The following RCOR2 variants were observed in gnomAD, a reference collection of about 807,000 sequenced individuals.
The protein encoded by RCOR2 is REST corepressor 2.
In RCOR2, 19 loss-of-function variants were observed where a neutral mutation model predicts 58.9. The ratio of observed to expected loss-of-function variants is 0.32; its 90% confidence interval spans 0.23 to 0.47. The LOEUF (loss-of-function observed/expected upper bound fraction) is 0.47. Among genes scored for constraint, RCOR2 ranks in the 20% least tolerant of loss-of-function variants. The pLI is 1.00. For missense variants in RCOR2, 590 were observed against 707.9 expected, an observed-to-expected ratio of 0.83 and a Z score of 1.89; for synonymous variants, 286 against 278.7, an observed-to-expected ratio of 1.03 and a Z score of -0.26.
chr11:63,924,401 GT>G, the RCOR2 span, among the ~76,000 whole-genome samples: 1 of 152,132 alleles, frequency 6.6e-6, no homozygotes, highest in African/African-American at 2.4e-5. Flanking sequence ...TAGAGACGGG[GT>G]TTCACCATGC....
At position 63,914,002 on chromosome 11, in the gene RCOR2, G is replaced by A. The variant is rs1941817727; in HGVS notation, c.843C>T (p.Asn281=). ...TAVSGSPDLA[N]LTLRGLDSQL... ...GAGAGTCAAGACCTCGGAGCGTGAG[G>A]TTGGCAAGGTCCGGGCTTCCTGACA... The change falls in exon 8 of 12, where the codon AAC becomes AAT. Residue 281 remains asparagine (N), a synonymous_variant. Coordinates refer to ENST00000301459, the MANE Select transcript of RCOR2 (RefSeq NM_173587.4). 6.2e-7 allele frequency: 1 copy of A among 1,613,752 alleles called. No homozygotes were observed. The highest frequency in any genetic ancestry group is 1.3e-5 in the African/African-American group (1 of 74,936).
chr11:63,916,249 T>G, intron 1 of RCOR2, 81 bp downstream of exon 1: 1 of 1,244,396 alleles, frequency 8.0e-7, no homozygotes, highest in Non-Finnish European at 1.1e-6. Flanking sequence ...AACAGGCTCG[T>G]GGTCTGCAAC....
the RCOR2 span, among the ~76,000 whole-genome samples, chr11:63,924,397 C>G: frequency 2.0e-5 from 3 of 152,048 alleles, no homozygotes; most frequent in Non-Finnish European, 4.4e-5. Flanking sequence ...TTAGTAGAGA[C>G]GGGGTTTCAC....
intron 4 of RCOR2, 26 bp from the exon 5 acceptor site, chr11:63,914,842 G>A (rs1590735688): frequency 6.4e-7 from 1 of 1,572,312 alleles, no homozygotes; most frequent in Non-Finnish European, 8.6e-7. Context: ...GGGCAGCTGA[G>A]CCTGAGCTGC....
the RCOR2 span, among the ~76,000 whole-genome samples, chr11:63,924,012 G>T: frequency 6.6e-6 from 1 of 151,254 alleles, no homozygotes; most frequent in Non-Finnish European, 1.5e-5. Flanking sequence ...GGGTTCAAGC[G>T]ATTCTCCTGC....
In RCOR2 at chr11:63,916,643, C is replaced by A; in HGVS notation, c.-187G>T. 1.0e-6 allele frequency: 1 copy of A among 973,242 alleles called. No homozygotes were observed. 60.3% of individuals were successfully genotyped at this position (973,242 alleles called of 1,614,324 possible). A position where few individuals can be genotyped will look rare whatever the true frequency, so the allele number is the denominator to read the frequency against. On this transcript the variant is annotated 5_prime_UTR_variant, in exon 1 of 12. Transcript: ENST00000301459. ...CACCTGGTAGCCCCAGCGCTCTCCA[C>A]GACCCCCACGAGCCAGGGCGTCAGA...
In RCOR2 at chr11:63,911,616, C is replaced by T. The variant is rs1941756766; in HGVS notation, c.*249G>A. 3 of 460,028 alleles carry T rather than the reference C, an allele frequency of 6.5e-6. No individual in the cohort carries two copies. Among genetic ancestry groups the T allele is most frequent in the South Asian group, 3.7e-5 (1 of 27,362 alleles). The allele number at this position is 460,028 out of a possible 1,614,324, so 28.5% of individuals were successfully genotyped here. ...GACTAGGACACAGCCATTCCAGTAC[C>T]GGCCAGGAAGCGAAAGTGCCCTCAG... On this transcript the variant is annotated 3_prime_UTR_variant, in exon 12 of 12. Coordinates refer to ENST00000301459, the MANE Select transcript of RCOR2 (RefSeq NM_173587.4).
chr11:63,913,059 CT>C, intron 8 of RCOR2, 112 bp from the exon 9 acceptor site: 1 of 875,270 alleles, frequency 1.1e-6, no homozygotes, highest in Non-Finnish European at 1.7e-6. Flanking sequence ...CCCGGCAAAG[CT>C]TTCTGCCATC....
Position 63,911,798 on chromosome 11 carries a change from C to G in RCOR2, c.*67G>C. 1 of 1,468,950 alleles carries G rather than the reference C, an allele frequency of 6.8e-7. No individual in the cohort carries two copies. The highest frequency in any genetic ancestry group is 8.9e-7 in the Non-Finnish European group (1 of 1,125,140). The allele number at this position is 1,468,950 out of a possible 1,614,324, so 91.0% of individuals were successfully genotyped here. ...CTAGTCCCTTCTGTCCTCAGTGACA[C>G]CAGAGATGCCTGGGGATGGCCAGCA... On this transcript the variant is annotated 3_prime_UTR_variant, in exon 12 of 12. Coordinates refer to ENST00000301459, the MANE Select transcript of RCOR2 (RefSeq NM_173587.4).
Position 63,911,970 on chromosome 11 carries a change from G to A in RCOR2, c.1467C>T (p.Leu489=). Reference sequence around the variant, plus strand: ...GGGGGGCAGCCAGAGCGGGGCGGATGAGAGGCGGTGGGGGCTGGTTGGGGG... The same window carrying A: ...GGGGGGCAGCCAGAGCGGGGCGGATAAGAGGCGGTGGGGGCTGGTTGGGGG... ...RLAPNQPPPP[L]IRPALAAPRH... The change falls in exon 12 of 12, where the codon CTC becomes CTT. Residue 489 remains leucine (L), a synonymous_variant. Transcript: ENST00000301459. 1 of 1,314,920 alleles carries A rather than the reference G, an allele frequency of 7.6e-7. No individual in the cohort carries two copies. Among genetic ancestry groups the A allele is most frequent in the African/African-American group, 1.5e-5 (1 of 67,134 alleles). The allele number at this position is 1,314,920 out of a possible 1,614,324, so 81.5% of individuals were successfully genotyped here. A position where few individuals can be genotyped will look rare whatever the true frequency, so the allele number is the denominator to read the frequency against.
the RCOR2 span, among the ~76,000 whole-genome samples, chr11:63,927,236 G>A: frequency 6.6e-6 from 1 of 151,712 alleles, no homozygotes; most frequent in Non-Finnish European, 1.5e-5. Context: ...CACTTATCAC[G>A]ATCTAATGGA....
upstream of RCOR2, among the ~76,000 whole-genome samples, chr11:63,917,226 C>G (rs1941872880): frequency 6.6e-6 from 1 of 151,870 alleles, no homozygotes; most frequent in Non-Finnish European, 1.5e-5. Flanking sequence ...CAGCCGATGC[C>G]TCCGCCAGCT....
Position 63,911,960 on chromosome 11 carries a change from C to T in RCOR2, c.1477G>A (p.Ala493Thr), listed in dbSNP as rs1201738931. Residue 493 changes from alanine to threonine, a missense_variant, in exon 12 of 12, where the codon GCT becomes ACT. This residue lies in a region of RCOR2 where 196 missense variants were observed against 210.7 expected (regional missense o/e 0.93). Transcript: ENST00000301459. ...NQPPPPLIRP[A>T]LAAPRHSARP... ...GCGCTGTGGCGGGGGGCAGCCAGAGCGGGGCGGATGAGAGGCGGTGGGGGC... is the reference window on the plus strand; with the variant it reads ...GCGCTGTGGCGGGGGGCAGCCAGAGTGGGGCGGATGAGAGGCGGTGGGGGC... 7.8e-6 allele frequency: 7 copies of T among 897,530 alleles called. No individual in the cohort carries two copies. The highest frequency in any genetic ancestry group is 4.2e-4 in the Middle Eastern group (1 of 2,360). The allele number at this position is 897,530 out of a possible 1,614,324, so 55.6% of individuals were successfully genotyped here.
chr11:63,912,305 CTCA>C lies in RCOR2; in HGVS notation c.1254_1256del (p.Asp418del). 6.2e-7 allele frequency: 1 copy of C among 1,611,550 alleles called. No homozygotes were observed. Among genetic ancestry groups the C allele is most frequent in the South Asian group, 1.1e-5 (1 of 91,050 alleles). ...GGGGTTTCTCTCACCCCCTTCTCACCTCATCATCTTCCTCTAGGGCTGGGGCTG... is the reference window on the plus strand; with the variant it reads ...GGGGTTTCTCTCACCCCCTTCTCACCTCATCTTCCTCTAGGGCTGGGGCTG... On this transcript the variant is annotated inframe_deletion and splice_region_variant, in exon 11 of 12. Coordinates refer to ENST00000301459, the MANE Select transcript of RCOR2 (RefSeq NM_173587.4).
chr11:63,914,099 C>T lies in RCOR2; in HGVS notation c.746G>A (p.Arg249His). The change falls in exon 8 of 12, where the codon CGC (arginine) becomes CAC (histidine). Residue 249 changes from arginine to histidine, a missense_variant. Physicochemically the swap from Arg to His is conservative, Grantham distance 29. Around this residue, in one of 3 missense-constraint regions of RCOR2, gnomAD observed 390 missense variants for 478.7 expected, o/e 0.81. Transcript: ENST00000301459. Reference protein sequence around the residue: ...GKKEVQVSQYRHHPLRTRRRP... With the variant: ...GKKEVQVSQYHHHPLRTRRRP... ...ACGCCGGGTTCGCAAGGGATGGTGG[C>T]GGTACTGAGACACCTGGACCTCCTT... 6 of 1,613,894 alleles carry T rather than the reference C, an allele frequency of 3.7e-6. No individual in the cohort carries two copies. The highest frequency in any genetic ancestry group is 1.3e-5 in the African/African-American group (1 of 75,032).
At chr11:63,926,489 CT>C in the RCOR2 span, among the ~76,000 whole-genome samples, 3 of 137,826 alleles carry the variant, frequency 2.2e-5, no homozygotes, top group Admixed American at 1.5e-4. Flanking sequence ...CTCTCTCTCT[CT>C]TTTTTTTTTT....
Position 63,911,744 on chromosome 11 carries a change from TCTG to T in RCOR2, c.*118_*120del, listed in dbSNP as rs997860462. On this transcript the variant is annotated 3_prime_UTR_variant, in exon 12 of 12. Transcript: ENST00000301459. ...AGGGCGGGGCTGGGCTGTCCGAAAC[TCTG>T]GTCTTACAAAGACCCCGCCAGAGCC... The T allele has an allele frequency of 1.2e-5, 17 of 1,375,724 alleles. No homozygotes were observed. In the African/African-American group the frequency reaches 2.3e-4, roughly 19 times the overall value. The allele number at this position is 1,375,724 out of a possible 1,614,324, so 85.2% of individuals were successfully genotyped here.
chr11:63,915,469 C>G, intron 2 of RCOR2, 86 bp downstream of exon 2: 1 of 1,410,620 alleles, frequency 7.1e-7, no homozygotes, highest in Non-Finnish European at 9.8e-7. Flanking sequence ...TCCAGGGGAG[C>G]CAATCAAGGG....
At chr11:63,927,457 C>T in the RCOR2 span, among the ~76,000 whole-genome samples, 6 of 152,098 alleles carry the variant, frequency 3.9e-5, no homozygotes, top group African/African-American at 4.8e-5. Context: ...TTTATAGAGA[C>T]GGGGTCTTGC....
Sources: allele counts gnomAD v4.1 joint callset (sites outside exome capture counted in the v4.1 genomes callset), GRCh38; gene constraint gnomAD v4.1.1; regional missense constraint gnomAD v4.1.1; transcripts MANE v1.5; gene names NCBI Gene and HGNC (gene_info 2026-07-23, HGNC 2026-07-21).